Variants in SLC4A10 observed in about 807,000 individuals in gnomAD.
The protein encoded by SLC4A10 is solute carrier family 4 member 10.
Under a neutral mutation model 137.7 loss-of-function variants are expected in SLC4A10, and 42 were observed. The observed-to-expected ratio is 0.30, with a 90% CI of 0.24 to 0.39. The LOEUF is 0.39. Ranked by LOEUF, SLC4A10 falls within the 10% of genes least tolerant of loss-of-function variation. The pLI is 1.00. For missense variants in SLC4A10, 925 were observed against 1,355.0 expected (o/e 0.68, Z 4.98); for synonymous variants, 474 against 464.1 (o/e 1.02, Z -0.27).
chr2:161,973,111 A>G (rs901415950), intron 23 of SLC4A10, among the ~76,000 whole-genome samples: 3 of 152,144 alleles, frequency 2.0e-5, no homozygotes, highest in African/African-American at 7.2e-5. Flanking sequence ...TAAGCTACTG[A>G]AAGAGGAAAT....
At chr2:161,695,068 ACTT>A (rs972338560) in intron 1 of SLC4A10, among the ~76,000 whole-genome samples, 2 of 152,100 alleles carry the variant, frequency 1.3e-5, no homozygotes, top group Non-Finnish European at 2.9e-5. Context: ...TGTAGTAATT[ACTT>A]CTTTTCCTCC....
At chr2:161,829,649 T>G (rs1442381373) in intron 3 of SLC4A10, among the ~76,000 whole-genome samples, 2 of 152,212 alleles carry the variant, frequency 1.3e-5, no homozygotes, top group Non-Finnish European at 2.9e-5. Context: ...TGTTTTCTCA[T>G]GTTCTGTAAA....
chr2:161,642,130 T>A (rs535728243), intron 1 of SLC4A10, among the ~76,000 whole-genome samples: 47 of 152,106 alleles, frequency 3.1e-4, no homozygotes, highest in African/African-American at 1.1e-3. Context: ...GATGGTAGCA[T>A]GGCCTGGTAT....
intron 4 of SLC4A10, among the ~76,000 whole-genome samples, chr2:161,840,703 T>C (rs1417444381): frequency 1.3e-5 from 2 of 152,240 alleles, no homozygotes; most frequent in South Asian, 2.1e-4. Context: ...AAAGCTGTGA[T>C]ACAGGTGTGC....
At chr2:161,982,548 C>T (rs116042619) in intron 26 of SLC4A10, among the ~76,000 whole-genome samples, 2,604 of 152,144 alleles carry the variant, frequency 0.017, 79 homozygotes, top group African/African-American at 0.06. Flanking sequence ...TGAGATTAAA[C>T]TTGGGAATGA....
At chr2:161,959,903 T>C (rs1024458292) in intron 21 of SLC4A10, among the ~76,000 whole-genome samples, 1 of 152,208 alleles carries the variant, frequency 6.6e-6, no homozygotes, top group African/African-American at 2.4e-5. Flanking sequence ...GATACTGTTA[T>C]TGGTTGAATA....
rs777390487 is a variant in SLC4A10, at chr2:161,902,089, G to T, written c.1442+1078G>T. The T allele has an allele frequency of 4.4e-5, 20 of 456,418 alleles. 1 individual carries two copies. The highest frequency in any genetic ancestry group is 3.1e-4 in the South Asian group (20 of 64,558). 28.3% of individuals were successfully genotyped at this position (456,418 alleles called of 1,614,324 possible). On this transcript the variant is annotated intron_variant, in intron 12 of 26. Transcript: ENST00000446997. ...CTTCCACAGATTCTGTTGCTGACAT[G>T]ACTTGAAGTATCCATTACTCATCTG...
chr2:161,709,865 C>T (rs1015297769), intron 1 of SLC4A10: 2 of 151,476 alleles, frequency 1.3e-5, no homozygotes, highest in Non-Finnish European at 3.0e-5. Flanking sequence ...CATGCTTCTG[C>T]CTCAATGTTA....
At chr2:161,694,976 T>G (rs1280718970) in intron 1 of SLC4A10, among the ~76,000 whole-genome samples, 1 of 152,030 alleles carries the variant, frequency 6.6e-6, no homozygotes, top group Non-Finnish European at 1.5e-5. Context: ...ACACTCCATT[T>G]AATTCTCCAG....
chr2:161,832,629 A>G (rs2058501643), intron 3 of SLC4A10, among the ~76,000 whole-genome samples: 4 of 152,198 alleles, frequency 2.6e-5, no homozygotes, highest in African/African-American at 4.8e-5. Flanking sequence ...ACAGTCTGGC[A>G]GTAGTCTCAG....
At chr2:161,688,832 G>T (rs553794556) in intron 1 of SLC4A10, among the ~76,000 whole-genome samples, 1 of 151,856 alleles carries the variant, frequency 6.6e-6, no homozygotes, top group Non-Finnish European at 1.5e-5. Context: ...CAAATGTTTC[G>T]GTCATTGAAG....
intron 1 of SLC4A10, among the ~76,000 whole-genome samples, chr2:161,751,380 G>A (rs922588824): frequency 1.4e-5 from 2 of 143,398 alleles, no homozygotes; most frequent in Admixed American, 1.4e-4. Flanking sequence ...ATATTGCTAG[G>A]TTTAATTACT....
chr2:161,834,194 C>T (rs2058616602), intron 3 of SLC4A10, among the ~76,000 whole-genome samples: 1 of 152,160 alleles, frequency 6.6e-6, no homozygotes, highest in African/African-American at 2.4e-5. Context: ...TTGTTGGCTT[C>T]ATTTGGTCCT....
chr2:161,725,576 C>T (rs943034472), intron 1 of SLC4A10, among the ~76,000 whole-genome samples: 2 of 152,174 alleles, frequency 1.3e-5, no homozygotes, highest in Non-Finnish European at 2.9e-5. Flanking sequence ...TCTAGCTCTC[C>T]TATTGGCTTG....
rs113589234 is a variant in SLC4A10, at chr2:161,649,203, A to C, written c.48+24637A>C. 5.0e-4 allele frequency among the ~76,000 whole-genome samples: 76 copies of C among 152,252 alleles called. 1 individual carries two copies. The highest frequency in any genetic ancestry group is 1.8e-3 in the African/African-American group (73 of 41,544). Reference sequence around the variant, plus strand: ...GCAACAAAGTGACACCACCGTTTCTACAAAAAATACAGAAAATTAGCTGGG... The same window carrying C: ...GCAACAAAGTGACACCACCGTTTCTCCAAAAAATACAGAAAATTAGCTGGG... On this transcript the variant is annotated intron_variant, in intron 1 of 26. Coordinates refer to ENST00000446997, the MANE Select transcript of SLC4A10 (RefSeq NM_001178015.2).
intron 24 of SLC4A10, 125 bp downstream of exon 24, chr2:161,974,441 G>C (rs762141189): frequency 4.1e-5 from 29 of 713,530 alleles, no homozygotes; most frequent in Non-Finnish European, 1.7e-5. Flanking sequence ...TAGAAAGAAC[G>C]AAGAGTTAGA....
chr2:161,821,241 T>C (rs1313924659), intron 3 of SLC4A10, among the ~76,000 whole-genome samples: 1 of 152,370 alleles, frequency 6.6e-6, no homozygotes, highest in East Asian at 1.9e-4. Context: ...TGGTATTTTT[T>C]TGATGTGGCT....
At chr2:161,735,962 G>A (rs572939124) in intron 1 of SLC4A10, among the ~76,000 whole-genome samples, 2 of 152,228 alleles carry the variant, frequency 1.3e-5, no homozygotes, top group African/African-American at 2.4e-5. Flanking sequence ...CAGACAAAAT[G>A]TCTGAATTAT....
At chr2:161,708,408 T>A (rs1434618704) in intron 1 of SLC4A10, among the ~76,000 whole-genome samples, 1 of 151,580 alleles carries the variant, frequency 6.6e-6, no homozygotes, top group Non-Finnish European at 1.5e-5. Flanking sequence ...TTTAAAGGAC[T>A]GAAAAAATTC....
Sources: gnomAD v4.1 joint callset for allele counts (sites outside exome capture counted in the v4.1 genomes callset) on GRCh38, gnomAD v4.1.1 for gene constraint, MANE v1.5 for transcripts, NCBI Gene and HGNC (gene_info 2026-07-23, HGNC 2026-07-21) for gene names.